Variants in ACSL5 observed in about 807,000 individuals in gnomAD.
The protein encoded by ACSL5 is acyl-CoA synthetase long chain family member 5.
Under a neutral mutation model 84.9 loss-of-function variants are expected in ACSL5, and 50 were observed. The ratio of observed to expected loss-of-function variants is 0.59; its 90% confidence interval spans 0.47 to 0.75. The LOEUF is 0.75. Among genes scored for constraint, ACSL5 ranks in the 30% least tolerant of loss-of-function variants. The pLI, the probability that ACSL5 is intolerant of heterozygous loss-of-function variation, is 0.00. For missense variants in ACSL5, 775 were observed against 830.4 expected (o/e 0.93, Z 0.82); for synonymous variants, 280 against 300.7 (o/e 0.93, Z 0.71).
chr10:112,378,650 G>C (rs1165296104), intron 1 of ACSL5, among the ~76,000 whole-genome samples: 1 of 152,144 alleles, frequency 6.6e-6, no homozygotes, highest in Admixed American at 6.6e-5. Flanking sequence ...CTGGAGTGCA[G>C]TCAGAGGTGA....
At chr10:112,378,642 G>T (rs939505102) in intron 1 of ACSL5, among the ~76,000 whole-genome samples, 3 of 152,112 alleles carry the variant, frequency 2.0e-5, no homozygotes, top group African/African-American at 7.2e-5. Context: ...ACCCTCAGCT[G>T]GAGTGCAGTC....
chr10:112,400,953 G>A (rs146439827), intron 3 of ACSL5, among the ~76,000 whole-genome samples: 2 of 152,270 alleles, frequency 1.3e-5, no homozygotes, highest in East Asian at 1.9e-4. Context: ...TGGCACATGA[G>A]AGATATAATT....
Position 112,422,341 on chromosome 10 carries a change from C to T in ACSL5, c.1493C>T (p.Thr498Ile). Residue 498 changes from threonine to isoleucine, a missense_variant, in exon 17 of 21, where the codon ACA becomes ATA. Thr to Ile is a moderately conservative substitution (Grantham distance 89). Transcript: ENST00000354655. Reference protein sequence around the residue: ...NNEGEVCIKGTNVFKGYLKDP... With the variant: ...NNEGEVCIKGINVFKGYLKDP... Reference sequence around the variant, plus strand: ...GCTGTGCAGGTCTGCATCAAGGGTACAAACGTGTTCAAAGGATACCTGAAG... The same window carrying T: ...GCTGTGCAGGTCTGCATCAAGGGTATAAACGTGTTCAAAGGATACCTGAAG... 6.2e-7 allele frequency: 1 copy of T among 1,614,042 alleles called. No individual in the cohort carries two copies.
Position 112,394,953 on chromosome 10 carries a change from T to C in ACSL5, c.7T>C (p.Phe3Leu), listed in dbSNP as rs770252166. The change falls in exon 2 of 21, where the codon TTT (phenylalanine) becomes CTT (leucine). Residue 3 changes from phenylalanine to leucine, a missense_variant. Physicochemically the swap from Phe to Leu is conservative, Grantham distance 22 (BLOSUM62 0). Transcript: ENST00000354655. ...CCTGCTGCTGTTCACAAAGATGCTT[T>C]TTATCTTTAACTTTTTGTTTTCCCC... is the stretch of plus-strand genomic sequence containing the variant. Reference protein sequence around the residue: MLFIFNFLFSPLP... With the variant: MLLIFNFLFSPLP... 9.9e-6 allele frequency: 16 copies of C among 1,613,838 alleles called. No individual in the cohort carries two copies. The highest frequency in any genetic ancestry group is 1.4e-5 in the Non-Finnish European group (16 of 1,180,032).
chr10:112,416,874 C>T lies in ACSL5; in HGVS notation c.1084-14C>T. On this transcript the variant is annotated splice_polypyrimidine_tract_variant and intron_variant, in intron 12 of 20. Coordinates refer to ENST00000354655, the MANE Select transcript of ACSL5 (RefSeq NM_203379.2). ...CCAATAGGTTTCCAACTAAAAGGAG[C>T]TATCACTCTGCAGGTACAAAATGAG... The T allele has an allele frequency of 1.2e-6, 2 of 1,612,930 alleles. No individual in the cohort carries two copies. The highest frequency in any genetic ancestry group is 1.7e-6 in the Non-Finnish European group (2 of 1,179,064).
chr10:112,379,774 A>G (rs1032497849), intron 1 of ACSL5, among the ~76,000 whole-genome samples: 1 of 152,218 alleles, frequency 6.6e-6, no homozygotes, highest in African/African-American at 2.4e-5. Context: ...GGTACCTGGA[A>G]GGGCACGACC....
At chr10:112,419,541 T>C (rs1383241073) in intron 14 of ACSL5, 2 of 152,214 alleles carry the variant, frequency 1.3e-5, no homozygotes, top group Admixed American at 6.5e-5. Flanking sequence ...CAGTTGAGCA[T>C]TCTGAATCTG....
chr10:112,376,806 C>T lies in ACSL5; in HGVS notation c.-30+2537C>T, dbSNP rs921351125. 2.0e-5 allele frequency among the ~76,000 whole-genome samples: 3 copies of T among 152,144 alleles called. No individual in the cohort carries two copies. In the South Asian group the frequency reaches 6.2e-4, roughly 32 times the overall value. On this transcript the variant is annotated intron_variant, in intron 1 of 20. Coordinates refer to ENST00000354655, the MANE Select transcript of ACSL5 (RefSeq NM_203379.2). The stretch of plus-strand genomic sequence containing the variant: ...GCCCTCAATTTTATGTTGGGTAAGA[C>T]TGATGAATGAGACCAATGGGGTGGG...
chr10:112,426,012 G>T (rs537930361), intron 18 of ACSL5, among the ~76,000 whole-genome samples: 1 of 152,146 alleles, frequency 6.6e-6, no homozygotes, highest in African/African-American at 2.4e-5. Context: ...AGCCAGAGGC[G>T]CTTTAAGCTT....
intron 3 of ACSL5, among the ~76,000 whole-genome samples, chr10:112,401,947 T>TTCTC (rs57651640): frequency 0.026 from 3,690 of 140,424 alleles, 116 homozygotes; most frequent in Admixed American, 0.088. Context: ...TTCTCTTTCT[T>TTCTC]TCTCTCTCTC....
intron 12 of ACSL5, among the ~76,000 whole-genome samples, chr10:112,415,225 A>T (rs1844287465): frequency 6.6e-6 from 1 of 151,932 alleles, no homozygotes; most frequent in South Asian, 2.1e-4. Context: ...TTTGAGACGG[A>T]GTCTCGCTCT....
intron 1 of ACSL5, among the ~76,000 whole-genome samples, chr10:112,378,755 T>C (rs1413609580): frequency 6.6e-6 from 1 of 152,180 alleles, no homozygotes. Flanking sequence ...GAAATGCATC[T>C]GGGTCTATTT....
At chr10:112,379,490 T>C (rs912595655) in intron 1 of ACSL5, among the ~76,000 whole-genome samples, 4 of 151,800 alleles carry the variant, frequency 2.6e-5, no homozygotes. Context: ...TTCAAGACCG[T>C]GGTCATCTCT....
intron 12 of ACSL5, 83 bp from the exon 13 acceptor site, chr10:112,416,805 A>G (rs1382070310): frequency 6.7e-7 from 1 of 1,485,504 alleles, no homozygotes; most frequent in Non-Finnish European, 9.3e-7. Flanking sequence ...TTATAAAGCT[A>G]GAACACACTG....
At chr10:112,407,523 C>G (rs182741317) in intron 5 of ACSL5, among the ~76,000 whole-genome samples, 1 of 152,132 alleles carries the variant, frequency 6.6e-6, no homozygotes, top group East Asian at 1.9e-4. Context: ...CACCCGGCCT[C>G]AAGTTGAGAT....
intron 14 of ACSL5, among the ~76,000 whole-genome samples, chr10:112,419,003 A>G (rs1236871149): frequency 6.6e-6 from 1 of 152,122 alleles, no homozygotes; most frequent in Non-Finnish European, 1.5e-5. Flanking sequence ...TGGACACTTG[A>G]GTTGCTTATG....
At chr10:112,382,005 TGCATCCCATAGA>T (rs1849360629) in intron 1 of ACSL5, among the ~76,000 whole-genome samples, 1 of 152,218 alleles carries the variant, frequency 6.6e-6, no homozygotes, top group South Asian at 2.1e-4. Context: ...AAAGCTGAGG[TGCATCCCATAGA>T]GCACTGGTCT....
chr10:112,414,600 A>G (rs1844273332), intron 12 of ACSL5, among the ~76,000 whole-genome samples: 3 of 151,288 alleles, frequency 2.0e-5, no homozygotes, highest in Admixed American at 2.0e-4. Flanking sequence ...TCAAGTGATC[A>G]CCCTACCTCA....
In ACSL5 at chr10:112,427,246, C is replaced by T. The variant is rs553711038; in HGVS notation, c.1940C>T (p.Pro647Leu). Residue 647 changes from proline to leucine, a missense_variant, in exon 21 of 21, where the codon CCA (proline) becomes CTA (leucine). Coordinates refer to ENST00000354655, the MANE Select transcript of ACSL5 (RefSeq NM_203379.2). ...AAAGCCATTTTTCTTCATCCAGAGC[C>T]ATTTTCCATTGAAAATGGGCTCTTG... ...QVKAIFLHPE[P>L]FSIENGLLTP... 1 of 1,613,340 alleles carries T rather than the reference C, an allele frequency of 6.2e-7. No individual in the cohort carries two copies. The highest frequency in any genetic ancestry group is 1.7e-5 in the Admixed American group (1 of 59,838).
Sources: gnomAD v4.1 joint callset for allele counts (sites outside exome capture counted in the v4.1 genomes callset) on GRCh38, gnomAD v4.1.1 for gene constraint, MANE v1.5 for transcripts, NCBI Gene and HGNC (gene_info 2026-07-23, HGNC 2026-07-21) for gene names.